ZNF215: variants seen among roughly 807,000 people sequenced by gnomAD.
ZNF215 encodes BWSCR2-associated zinc finger protein 2.
Under a neutral mutation model 27.2 loss-of-function variants are expected in ZNF215, and 24 were observed. The observed-to-expected ratio is 0.88, with a 90% CI of 0.64 to 1.24. The LOEUF (loss-of-function observed/expected upper bound fraction) is 1.24. ZNF215 is among the 50% of genes most tolerant of loss of function. The pLI is 0.00. For synonymous variants in ZNF215, 210 were observed against 204.0 expected, an observed-to-expected ratio of 1.03 and a Z score of -0.25; for missense variants, 675 against 605.7, an observed-to-expected ratio of 1.11 and a Z score of -1.20.
intron 5 of ZNF215, among the ~76,000 whole-genome samples, chr11:6,980,682 A>G (rs1456403131): frequency 6.6e-6 from 1 of 151,352 alleles, no homozygotes; most frequent in East Asian, 1.9e-4. Context: ...ATATGTATAC[A>G]TGTGCCATGC....
At chr11:6,977,082 T>C (rs1850849674) in intron 5 of ZNF215, among the ~76,000 whole-genome samples, 1 of 152,036 alleles carries the variant, frequency 6.6e-6, no homozygotes, top group South Asian at 2.1e-4. Flanking sequence ...AGGGACTGAA[T>C]TGTGTCCTCC....
At chr11:6,938,103 G>C (rs940384167) in intron 3 of ZNF215, among the ~76,000 whole-genome samples, 3 of 151,622 alleles carry the variant, frequency 2.0e-5, no homozygotes, top group African/African-American at 4.8e-5. Flanking sequence ...ATCTGATAAG[G>C]GTCCAATATC....
intron 5 of ZNF215, among the ~76,000 whole-genome samples, chr11:6,977,807 C>A (rs1850861984): frequency 6.6e-6 from 1 of 152,044 alleles, no homozygotes; most frequent in South Asian, 2.1e-4. Context: ...CAAACCCACT[C>A]CCAAGATAAC....
chr11:6,927,754 T>C lies in ZNF215; in HGVS notation c.-233T>C. The C allele has an allele frequency of 6.6e-6, 1 of 152,392 alleles. No individual in the cohort carries two copies. The highest frequency in any genetic ancestry group is 6.5e-5 in the Admixed American group (1 of 15,306). 9.4% of individuals were successfully genotyped at this position (152,392 alleles called of 1,614,324 possible). On this transcript the variant is annotated 5_prime_UTR_variant, in exon 2 of 7. The change abolishes an upstream ATG in the 5' untranslated region. Coordinates refer to ENST00000278319, the MANE Select transcript of ZNF215 (RefSeq NM_013250.4). ...TTCCACCTCGGAAATCTTACCTAAA[T>C]GCAGCATGCCATCCTGAACGTCTCT...
chr11:6,934,616 T>C (rs1849373590), intron 3 of ZNF215, among the ~76,000 whole-genome samples: 1 of 152,196 alleles, frequency 6.6e-6, no homozygotes, highest in Non-Finnish European at 1.5e-5. Flanking sequence ...TCTAATACTT[T>C]ATTCTGTTGT....
At chr11:6,982,041 A>G (rs7951060) in intron 5 of ZNF215, among the ~76,000 whole-genome samples, 53,706 of 151,696 alleles carry the variant, frequency 0.35, 10,386 homozygotes, top group African/African-American at 0.51. Context: ...GTCAGGTAGC[A>G]TGATGCCTCC....
chr11:6,932,610 C>G lies in ZNF215; in HGVS notation c.338C>G (p.Pro113Arg), dbSNP rs1849305017. ...EVRTWVNLQH[P>R]NNSKDMVTLI... ...AGGACTTGGGTGAATTTACAACATCCAAACAACAGTAAAGATATGGTGACC... is the reference window on the plus strand; with the variant it reads ...AGGACTTGGGTGAATTTACAACATCGAAACAACAGTAAAGATATGGTGACC... The change falls in exon 3 of 7, where the codon CCA becomes CGA. Residue 113 changes from proline (P) to arginine (R), a missense_variant. Pro to Arg is a moderately radical substitution (Grantham distance 103). Transcript: ENST00000278319. 1.2e-6 allele frequency: 2 copies of G among 1,613,930 alleles called. No homozygotes were observed. The highest frequency in any genetic ancestry group is 3.3e-5 in the Admixed American group (2 of 59,994).
exon 6 of ZNF215, chr11:6,984,178 G>A (rs772935669): frequency 2.5e-5 from 9 of 364,064 alleles, no homozygotes; most frequent in East Asian, 1.3e-4. Flanking sequence ...ATGCAGTCTC[G>A]GCTCACTGCA....
At chr11:6,982,389 G>A (rs1194270596) in intron 5 of ZNF215, among the ~76,000 whole-genome samples, 1 of 152,038 alleles carries the variant, frequency 6.6e-6, no homozygotes, top group African/African-American at 2.4e-5. Context: ...ATTGAACTCA[G>A]CTCTGCACCA....
downstream of ZNF215, chr11:6,958,166 A>T: frequency 2.8e-6 from 2 of 705,696 alleles, no homozygotes; most frequent in Non-Finnish European, 3.5e-6. Flanking sequence ...AACAAGAGAA[A>T]AGCACTCTGA....
chr11:6,961,547 G>C (rs1037632165), downstream of ZNF215, among the ~76,000 whole-genome samples: 1 of 152,052 alleles, frequency 6.6e-6, no homozygotes, highest in Non-Finnish European at 1.5e-5. Flanking sequence ...TACCTTCACT[G>C]TCACCAGGAT....
At chr11:6,974,268 A>G (rs1850784506) in intron 5 of ZNF215, among the ~76,000 whole-genome samples, 1 of 152,126 alleles carries the variant, frequency 6.6e-6, no homozygotes, top group Admixed American at 6.5e-5. Flanking sequence ...CTGTTTTGGT[A>G]CCAGTACCAT....
In ZNF215 at chr11:6,956,897, A is replaced by G. The variant is rs1327669503; in HGVS notation, c.*366A>G. 2 of 1,001,874 alleles carry G rather than the reference A, an allele frequency of 2.0e-6. No homozygotes were observed. Among genetic ancestry groups the G allele is most frequent in the African/African-American group, 3.5e-5 (2 of 57,774 alleles). The allele number at this position is 1,001,874 out of a possible 1,614,324, so 62.1% of individuals were successfully genotyped here. ...CGAAGTAGACATTAGGCAAAGCCAA[A>G]CAATACTCTTGGAGTTGATATTTAA... On this transcript the variant is annotated 3_prime_UTR_variant, in exon 7 of 7. Transcript: ENST00000278319.
At chr11:6,950,534 G>A (rs907052686) in intron 6 of ZNF215, among the ~76,000 whole-genome samples, 1 of 151,812 alleles carries the variant, frequency 6.6e-6, no homozygotes, top group African/African-American at 2.4e-5. Flanking sequence ...TTCTCTGTTT[G>A]TCTGTTATTG....
At chr11:6,942,729 T>C (rs528873514) in intron 4 of ZNF215, among the ~76,000 whole-genome samples, 2 of 152,322 alleles carry the variant, frequency 1.3e-5, no homozygotes, top group South Asian at 2.1e-4. Context: ...CCACAAACTC[T>C]TGCTGTTTTG....
intron 5 of ZNF215, 29 bp downstream of exon 5, chr11:6,943,244 C>A: frequency 1.3e-6 from 2 of 1,589,478 alleles, no homozygotes; most frequent in Non-Finnish European, 1.7e-6. Flanking sequence ...CCTAATCTGT[C>A]CATTTAGTAA....
chr11:6,983,321 C>T (rs1274671159), intron 5 of ZNF215, among the ~76,000 whole-genome samples: 1 of 152,020 alleles, frequency 6.6e-6, no homozygotes, highest in East Asian at 1.9e-4. Flanking sequence ...CTGAATTCTA[C>T]CAGAGGTACA....
chr11:6,966,170 C>T (rs1293052763), intron 5 of ZNF215, among the ~76,000 whole-genome samples: 1 of 152,046 alleles, frequency 6.6e-6, no homozygotes, highest in Non-Finnish European at 1.5e-5. Flanking sequence ...TTAAATATTA[C>T]ACAGCCATAA....
At chr11:6,964,297 A>G (rs889092834) in intron 5 of ZNF215, among the ~76,000 whole-genome samples, 2 of 152,028 alleles carry the variant, frequency 1.3e-5, no homozygotes, top group African/African-American at 2.4e-5. Flanking sequence ...GTGTTGATGA[A>G]GTTCATTTTA....
Sources: gnomAD v4.1 joint callset for allele counts (sites outside exome capture counted in the v4.1 genomes callset) on GRCh38, gnomAD v4.1.1 for gene constraint, MANE v1.5 for transcripts, NCBI Gene and HGNC (gene_info 2026-07-23, HGNC 2026-07-21) for gene names.